The following ANKS1B variants were observed in gnomAD, a reference collection of about 807,000 sequenced individuals.
ANKS1B encodes ankyrin repeat and sterile alpha motif domain-containing protein 1B.
ANKS1B carries 36 observed loss-of-function variants against 148.3 expected under a neutral mutation model. That is an observed-to-expected ratio of 0.24 (90% CI 0.19 to 0.32). The LOEUF (loss-of-function observed/expected upper bound fraction) is 0.32. Ranked by LOEUF, ANKS1B falls within the 10% of genes least tolerant of loss-of-function variation. ANKS1B has a pLI of 1.00. For synonymous variants in ANKS1B, 542 were observed against 560.8 expected (o/e 0.97, Z 0.47); for missense variants, 1,157 against 1,542.6 (o/e 0.75, Z 4.19).
At chr12:99,510,978 GTTTGACTTCTTCTCT>G (rs2096759769) in intron 9 of ANKS1B, among the ~76,000 whole-genome samples, 1 of 151,896 alleles carries the variant, frequency 6.6e-6, no homozygotes, top group Non-Finnish European at 1.5e-5. Context: ...AACAAATATT[GTTTGACTTCTTCTCT>G]TCCTATTTGA....
chr12:99,290,664 G>GA (rs1293357423), intron 12 of ANKS1B, among the ~76,000 whole-genome samples: 10 of 151,614 alleles, frequency 6.6e-5, no homozygotes, highest in South Asian at 2.1e-4. Flanking sequence ...AGAATAAAGG[G>GA]AAAAAAACAT....
At chr12:98,924,457 A>G (rs2099805444) in intron 17 of ANKS1B, among the ~76,000 whole-genome samples, 1 of 152,108 alleles carries the variant, frequency 6.6e-6, no homozygotes, top group South Asian at 2.1e-4. Flanking sequence ...TCTTGAAAAT[A>G]CATTCTAACT....
chr12:99,921,522 A>C (rs898695529), intron 1 of ANKS1B, among the ~76,000 whole-genome samples: 1 of 152,198 alleles, frequency 6.6e-6, no homozygotes, highest in Admixed American at 6.6e-5. Flanking sequence ...AGTGTTTCAC[A>C]AATACAGTTT....
chr12:99,873,527 C>A (rs962842262), intron 1 of ANKS1B, among the ~76,000 whole-genome samples: 3 of 152,176 alleles, frequency 2.0e-5, no homozygotes, highest in Non-Finnish European at 4.4e-5. Context: ...CCTCGTAGTT[C>A]CAAGCCCTTC....
intron 9 of ANKS1B, among the ~76,000 whole-genome samples, chr12:99,532,664 T>G (rs538568179): frequency 5.1e-4 from 77 of 152,290 alleles, no homozygotes; most frequent in Admixed American, 8.5e-4. Flanking sequence ...CTGGTCACAT[T>G]TAAGTTTTTA....
At chr12:99,498,191 A>G (rs1305234116) in intron 10 of ANKS1B, among the ~76,000 whole-genome samples, 1 of 152,050 alleles carries the variant, frequency 6.6e-6, no homozygotes, top group East Asian at 1.9e-4. Context: ...TTTCAACTTC[A>G]TCTTTCTCCA....
intron 8 of ANKS1B, among the ~76,000 whole-genome samples, chr12:99,740,508 T>C (rs1331740744): frequency 1.3e-5 from 2 of 152,142 alleles, no homozygotes; most frequent in Non-Finnish European, 2.9e-5. Context: ...GATCTGCTCA[T>C]ATGAAAGCAT....
At position 99,298,630 on chromosome 12, in the gene ANKS1B, A is replaced by C. The variant is rs2081213157; in HGVS notation, c.1757-51766T>G. The stretch of plus-strand genomic sequence containing the variant: ...ACTTTATTTTTGTATCAATCCTATG[A>C]GGTAGGGACTTTTATTTTCTTCATT... On this transcript the variant is annotated intron_variant, in intron 12 of 26. Transcript: ENST00000683438. 2.0e-5 allele frequency among the ~76,000 whole-genome samples: 3 copies of C among 152,294 alleles called. No homozygotes were observed. The South Asian group carries it at 6.2e-4, about 32-fold the overall frequency.
intron 17 of ANKS1B, among the ~76,000 whole-genome samples, chr12:98,963,438 A>G (rs1343570260): frequency 6.6e-6 from 1 of 152,204 alleles, no homozygotes; most frequent in Admixed American, 6.5e-5. Context: ...ATGGCCTCCC[A>G]AAGTGCTGGG....
At chr12:99,837,838 G>A (rs1270249795) in intron 1 of ANKS1B, among the ~76,000 whole-genome samples, 1 of 152,094 alleles carries the variant, frequency 6.6e-6, no homozygotes, top group Non-Finnish European at 1.5e-5. Context: ...GGGATACATT[G>A]CATAGTGGTG....
intron 17 of ANKS1B, among the ~76,000 whole-genome samples, chr12:98,914,684 G>A (rs1308467828): frequency 6.6e-6 from 1 of 151,932 alleles, no homozygotes; most frequent in Non-Finnish European, 1.5e-5. Flanking sequence ...CTACATCGGG[G>A]TGTTTGCATT....
chr12:99,234,046 A>G (rs1049909362), intron 14 of ANKS1B, among the ~76,000 whole-genome samples: 7 of 152,136 alleles, frequency 4.6e-5, no homozygotes, highest in African/African-American at 1.7e-4. Context: ...TATTCTCCCA[A>G]TTGTCTTAAG....
intron 26 of ANKS1B, among the ~76,000 whole-genome samples, chr12:98,747,548 G>A (rs2097922829): frequency 6.6e-6 from 1 of 152,078 alleles, no homozygotes; most frequent in African/African-American, 2.4e-5. Flanking sequence ...TAGCATGGAG[G>A]GTCCTCAAAA....
chr12:99,866,044 A>G (rs1195994454), intron 1 of ANKS1B, among the ~76,000 whole-genome samples: 1 of 152,198 alleles, frequency 6.6e-6, no homozygotes, highest in Non-Finnish European at 1.5e-5. Flanking sequence ...ATAAAGTCCC[A>G]GAAATAGCGC....
At chr12:99,920,834 C>T (rs1382330738) in intron 1 of ANKS1B, among the ~76,000 whole-genome samples, 1 of 152,124 alleles carries the variant, frequency 6.6e-6, no homozygotes, top group African/African-American at 2.4e-5. Context: ...CCCTCGAAGC[C>T]AGACTGAATG....
intron 15 of ANKS1B, among the ~76,000 whole-genome samples, chr12:99,116,728 T>C (rs1477371477): frequency 6.6e-6 from 1 of 152,216 alleles, no homozygotes; most frequent in African/African-American, 2.4e-5. Context: ...TTTTTCTAAT[T>C]CTGTGAAGAA....
intron 17 of ANKS1B, among the ~76,000 whole-genome samples, chr12:98,995,057 C>G (rs1022643547): frequency 1.3e-5 from 2 of 152,020 alleles, no homozygotes; most frequent in Non-Finnish European, 2.9e-5. Flanking sequence ...GCTATTTTAG[C>G]CAAGAAAATT....
At chr12:99,332,974 G>C (rs1244237853) in intron 12 of ANKS1B, among the ~76,000 whole-genome samples, 1 of 151,972 alleles carries the variant, frequency 6.6e-6, no homozygotes, top group Non-Finnish European at 1.5e-5. Context: ...AGCACTTTGG[G>C]ATTGATCCTA....
intron 17 of ANKS1B, among the ~76,000 whole-genome samples, chr12:98,969,366 G>C (rs1290857907): frequency 6.6e-6 from 1 of 152,178 alleles, no homozygotes; most frequent in Admixed American, 6.5e-5. Flanking sequence ...AAATGGGCAT[G>C]ATGAAATTTA....
Sources: allele counts gnomAD v4.1 joint callset (sites outside exome capture counted in the v4.1 genomes callset), GRCh38; gene constraint gnomAD v4.1.1; transcripts MANE v1.5; gene names NCBI Gene and HGNC (gene_info 2026-07-23, HGNC 2026-07-21).